C6orf118: variants seen among roughly 807,000 people sequenced by gnomAD.
C6orf118 encodes the protein uncharacterized protein C6orf118.
A neutral mutation model predicts 50.2 loss-of-function variants in C6orf118; 50 were observed. The ratio of observed to expected loss-of-function variants is 1.00; its 90% confidence interval spans 0.79 to 1.26. The LOEUF (loss-of-function observed/expected upper bound fraction) is 1.26. Ranked by LOEUF, C6orf118 falls within the 50% of genes most tolerant of loss-of-function variation. The probability of loss-of-function intolerance (pLI) is 0.00; values close to 1 mark genes in which losing one functional copy is unlikely to be tolerated. For missense variants in C6orf118, 641 were observed against 578.7 expected, an observed-to-expected ratio of 1.11 and a Z score of -1.10; for synonymous variants, 239 against 230.9, an observed-to-expected ratio of 1.03 and a Z score of -0.32.
rs1583025661 is a variant in C6orf118, at chr6:165,302,193, T to C, written c.129A>G (p.Lys43=). ...PGVKTLCNLK[K]LLNRLQKDHR... The stretch of plus-strand genomic sequence containing the variant: ...GGTCTTTCTGAAGCCGATTCAGAAG[T>C]TTCTTCAGATTACACAGGGTCTTCA... The change falls in exon 2 of 9, where the codon AAA becomes AAG. Residue 43 remains lysine, a synonymous_variant. Coordinates refer to ENST00000230301, the MANE Select transcript of C6orf118 (RefSeq NM_144980.4). 6.2e-7 allele frequency: 1 copy of C among 1,612,576 alleles called. No individual in the cohort carries two copies. The highest frequency in any genetic ancestry group is 8.5e-7 in the Non-Finnish European group (1 of 1,179,924).
Position 165,302,112 on chromosome 6 carries a change from G to A in C6orf118, c.210C>T (p.Tyr70=), listed in dbSNP as rs956070628. 4 of 1,613,642 alleles carry A rather than the reference G, an allele frequency of 2.5e-6. No homozygotes were observed. The highest frequency in any genetic ancestry group is 3.3e-5 in the Admixed American group (2 of 59,986). The change falls in exon 2 of 9, where the codon TAC becomes TAT. Residue 70 remains tyrosine, a synonymous_variant. Transcript: ENST00000230301. Reference sequence around the variant, plus strand: ...GCTGTAAGATCGTCTCCGGAGGCTGGTAGAGCTTGTTGGGGTTCAGGTGTC... The same window carrying A: ...GCTGTAAGATCGTCTCCGGAGGCTGATAGAGCTTGTTGGGGTTCAGGTGTC... The part of the protein sequence containing the change: ...ISGHLNPNKL[Y]QPPETILQHW...
chr6:165,281,577 G>A lies in C6orf118; in HGVS notation c.1356+63C>T, dbSNP rs754372500. On this transcript the variant is annotated intron_variant, in intron 8 of 8. Coordinates refer to ENST00000230301, the MANE Select transcript of C6orf118 (RefSeq NM_144980.4). ...ATCAGTTGGTCATGCTTATTACACA[G>A]GACAAGCAGTCACCAGAGGAAATAT... 33 of 1,472,156 alleles carry A rather than the reference G, an allele frequency of 2.2e-5. No homozygotes were observed. In the Admixed American group the frequency reaches 7.0e-4, roughly 31 times the overall value. 91.2% of individuals were successfully genotyped at this position (1,472,156 alleles called of 1,614,324 possible).
At chr6:165,291,766 A>T (rs898235936) in intron 6 of C6orf118, among the ~76,000 whole-genome samples, 1 of 152,248 alleles carries the variant, frequency 6.6e-6, no homozygotes, top group African/African-American at 2.4e-5. Context: ...GGAGACATCA[A>T]GTGATCCACT....
intron 6 of C6orf118, among the ~76,000 whole-genome samples, chr6:165,291,203 A>G (rs2128159207): frequency 6.6e-6 from 1 of 152,268 alleles, no homozygotes; most frequent in East Asian, 1.9e-4. Context: ...CAGCATGAAG[A>G]GAAGTGAACA....
rs35030648 is a variant in C6orf118, at chr6:165,302,165, G to A, written c.157C>T (p.Arg53Trp). ...KLLNRLQKDH[R>W]EDVYLYISGH... ...GAGATGTAGAGGTAGACGTCCTCCC[G>A]GTGGTCTTTCTGAAGCCGATTCAGA... is the stretch of plus-strand genomic sequence containing the variant. The change falls in exon 2 of 9, where the codon CGG becomes TGG. Residue 53 changes from arginine (R) to tryptophan (W), a missense_variant. Physicochemically the swap from Arg to Trp is moderately radical, Grantham distance 101. Coordinates refer to ENST00000230301, the MANE Select transcript of C6orf118 (RefSeq NM_144980.4). 9.0e-5 allele frequency: 145 copies of A among 1,612,902 alleles called. No individual in the cohort carries two copies. In the African/African-American group the frequency reaches 1.0e-3, roughly 12 times the overall value.
chr6:165,301,809 C>G lies in C6orf118; in HGVS notation c.513G>C (p.Trp171Cys). 6.2e-7 allele frequency: 1 copy of G among 1,613,970 alleles called. No individual in the cohort carries two copies. Among genetic ancestry groups the G allele is most frequent in the Non-Finnish European group, 8.5e-7 (1 of 1,179,986 alleles). ...GCAGCCGGAGTTCTTCCCTCCTGCG[C>G]CATCCAGGAGGGCCCCGTCCAGGAG... ...GGPPGRGPPG[W>C]RRREELRLPD... The change falls in exon 2 of 9, where the codon TGG becomes TGC. Residue 171 changes from tryptophan to cysteine, a missense_variant. Trp to Cys is a radical substitution (Grantham distance 215). Transcript: ENST00000230301.
chr6:165,301,319 C>A (rs1244153604), intron 2 of C6orf118, among the ~76,000 whole-genome samples: 1 of 151,212 alleles, frequency 6.6e-6, no homozygotes, highest in Non-Finnish European at 1.5e-5. Context: ...AACACTGCAC[C>A]GAGAGCACTG....
chr6:165,301,228 C>T (rs981982469), intron 2 of C6orf118, among the ~76,000 whole-genome samples: 1 of 152,104 alleles, frequency 6.6e-6, no homozygotes, highest in Non-Finnish European at 1.5e-5. Flanking sequence ...CCTCAGAGGA[C>T]GAGCCTCTCA....
chr6:165,289,920 G>T lies in C6orf118; in HGVS notation c.1268C>A (p.Ser423Ter), dbSNP rs764800248. The change falls in exon 7 of 9, where the codon TCA becomes TAA. Residue 423 changes from serine to a stop codon, truncating the protein, a stop_gained. Coordinates refer to ENST00000230301, the MANE Select transcript of C6orf118 (RefSeq NM_144980.4). LOFTEE classifies it high-confidence loss of function. ...IKTTLVHTGI[S>*]DITENRIKSI... ...TTTAATCCTATTCTCAGTGATATCT[G>T]AAATTCCAGTATGAACCAAAGTTGT... 71 of 1,606,408 alleles carry T rather than the reference G, an allele frequency of 4.4e-5. No individual in the cohort carries two copies. The Admixed American group carries it at 9.2e-4, about 21-fold the overall frequency.
At chr6:165,286,498 C>T (rs952864115) in intron 7 of C6orf118, among the ~76,000 whole-genome samples, 17 of 152,108 alleles carry the variant, frequency 1.1e-4, no homozygotes, top group Middle Eastern at 3.4e-3. Flanking sequence ...CAGGCCAATA[C>T]CTCTGATGAA....
At chr6:165,297,828 G>A in intron 5 of C6orf118, 149 bp downstream of exon 5, 1 of 1,168,994 alleles carries the variant, frequency 8.6e-7, no homozygotes, top group South Asian at 1.3e-5. Flanking sequence ...ATGGCCTGTA[G>A]AAATAGCCAG....
At position 165,302,057 on chromosome 6, in the gene C6orf118, C is replaced by T. The variant is rs1317156533; in HGVS notation, c.265G>A (p.Glu89Lys). 8 of 1,613,492 alleles carry T rather than the reference C, an allele frequency of 5.0e-6. No individual in the cohort carries two copies. The highest frequency in any genetic ancestry group is 6.8e-6 in the Non-Finnish European group (8 of 1,179,792). ...GGCTCTCCCACCTCAGAGGCGCGCT[C>T]CCCCTTGGGCCGGTGGGCATTGGGC... The part of the protein sequence containing the change: ...HWPNAHRPKG[E>K]RASEVGEPPA... Residue 89 changes from glutamate to lysine, a missense_variant, in exon 2 of 9, where the codon GAG becomes AAG. Coordinates refer to ENST00000230301, the MANE Select transcript of C6orf118 (RefSeq NM_144980.4).
chr6:165,308,849 AT>A (rs1383617585), intron 1 of C6orf118, among the ~76,000 whole-genome samples: 1 of 152,174 alleles, frequency 6.6e-6, no homozygotes, highest in African/African-American at 2.4e-5. Context: ...CACTAAATGC[AT>A]TCTGATATCA....
At chr6:165,293,920 G>A (rs1298940622) in intron 5 of C6orf118, among the ~76,000 whole-genome samples, 1 of 152,150 alleles carries the variant, frequency 6.6e-6, no homozygotes, top group African/African-American at 2.4e-5. Flanking sequence ...CAACAGATAC[G>A]ATTTACAAAT....
chr6:165,296,443 T>A (rs1431840252), intron 5 of C6orf118, among the ~76,000 whole-genome samples: 1 of 151,992 alleles, frequency 6.6e-6, no homozygotes, highest in Non-Finnish European at 1.5e-5. Flanking sequence ...TCACCCACTA[T>A]GAGACAGCTA....
intron 7 of C6orf118, among the ~76,000 whole-genome samples, chr6:165,283,684 G>A (rs769666842): frequency 1.3e-5 from 2 of 152,158 alleles, no homozygotes; most frequent in African/African-American, 4.8e-5. Context: ...AGGGACCAAG[G>A]TGAATAGAGT....
intron 7 of C6orf118, among the ~76,000 whole-genome samples, chr6:165,286,214 C>T (rs908466582): frequency 2.0e-5 from 3 of 152,102 alleles, no homozygotes; most frequent in African/African-American, 7.2e-5. Context: ...TGCACCCTCC[C>T]AAGACTGAAC....
chr6:165,287,874 C>A (rs192794861), intron 7 of C6orf118, among the ~76,000 whole-genome samples: 14 of 152,150 alleles, frequency 9.2e-5, no homozygotes, highest in African/African-American at 3.4e-4. Context: ...TAGGCATAGG[C>A]AAAGATTTCA....
At chr6:165,296,256 T>TG (rs1562330065) in intron 5 of C6orf118, among the ~76,000 whole-genome samples, 10 of 56,938 alleles carry the variant, frequency 1.8e-4, no homozygotes, top group African/African-American at 5.7e-4. Flanking sequence ...TTTTGTTTTT[T>TG]TTTTTTTTTT....
Sources: gnomAD v4.1 joint callset for allele counts (sites outside exome capture counted in the v4.1 genomes callset) on GRCh38, gnomAD v4.1.1 for gene constraint, MANE v1.5 for transcripts, NCBI Gene and HGNC (gene_info 2026-07-23, HGNC 2026-07-21) for gene names.